Variants in CTNND2 observed in about 807,000 individuals in gnomAD.
CTNND2 encodes catenin delta-2.
CTNND2 carries 22 observed loss-of-function variants against 144.4 expected under a neutral mutation model. The observed-to-expected ratio is 0.15, with a 90% CI of 0.11 to 0.22. The LOEUF (loss-of-function observed/expected upper bound fraction) is 0.22. Among genes scored for constraint, CTNND2 ranks in the 10% least tolerant of loss-of-function variants. The pLI is 1.00. For synonymous variants in CTNND2, 751 were observed against 695.6 expected (o/e 1.08, Z -1.25); for missense variants, 1,353 against 1,618.8 (o/e 0.84, Z 2.82).
chr5:11,698,819 C>T (rs995478785), intron 2 of CTNND2, among the ~76,000 whole-genome samples: 3 of 151,820 alleles, frequency 2.0e-5, no homozygotes, highest in Non-Finnish European at 4.4e-5. Context: ...ATCCATTAAA[C>T]AGGTGATTTA....
intron 3 of CTNND2, among the ~76,000 whole-genome samples, chr5:11,435,286 C>G (rs1763665150): frequency 6.6e-6 from 1 of 151,912 alleles, no homozygotes; most frequent in African/African-American, 2.4e-5. Flanking sequence ...CTACAGGTGG[C>G]CGCCACCAAG....
chr5:11,352,074 G>C (rs2149749376), intron 8 of CTNND2, among the ~76,000 whole-genome samples: 1 of 152,196 alleles, frequency 6.6e-6, no homozygotes, highest in Non-Finnish European at 1.5e-5. Context: ...AAATTCAATG[G>C]AAAAATACTC....
intron 2 of CTNND2, among the ~76,000 whole-genome samples, chr5:11,617,205 G>A (rs897972952): frequency 4.6e-5 from 7 of 152,118 alleles, no homozygotes; most frequent in African/African-American, 1.7e-4. Context: ...TTACACAAAT[G>A]CTCCTATTTC....
At chr5:11,019,786 C>T (rs748654199) in intron 17 of CTNND2, among the ~76,000 whole-genome samples, 2 of 152,178 alleles carry the variant, frequency 1.3e-5, no homozygotes, top group African/African-American at 2.4e-5. Context: ...ACAGTTAAGA[C>T]TGTTAATAGC....
chr5:11,136,606 A>G (rs1242707755), intron 12 of CTNND2, among the ~76,000 whole-genome samples: 3 of 152,144 alleles, frequency 2.0e-5, no homozygotes, highest in Non-Finnish European at 2.9e-5. Context: ...TTTCCCACAC[A>G]CCTACATTCA....
chr5:11,292,157 C>G (rs191922054), intron 9 of CTNND2, among the ~76,000 whole-genome samples: 1 of 152,134 alleles, frequency 6.6e-6, no homozygotes, highest in Non-Finnish European at 1.5e-5. Context: ...ACAACAATAA[C>G]AAACCTTACA....
chr5:11,381,514 C>T (rs116159544), intron 7 of CTNND2, among the ~76,000 whole-genome samples: 3,035 of 152,318 alleles, frequency 0.02, 41 homozygotes, highest in Middle Eastern at 0.048. Context: ...CAGACACACC[C>T]CCATTTATAA....
intron 2 of CTNND2, among the ~76,000 whole-genome samples, chr5:11,649,692 T>C (rs1008865682): frequency 2.0e-5 from 3 of 152,322 alleles, no homozygotes; most frequent in African/African-American, 4.8e-5. Flanking sequence ...ACTGACACTG[T>C]TGAATACTGT....
chr5:11,646,063 TTC>T (rs1782330101), intron 2 of CTNND2, among the ~76,000 whole-genome samples: 1 of 152,182 alleles, frequency 6.6e-6, no homozygotes, highest in East Asian at 1.9e-4. Flanking sequence ...TTCTTTCCTT[TTC>T]TTTTTCTTTC....
intron 3 of CTNND2, among the ~76,000 whole-genome samples, chr5:11,416,691 T>G (rs1311821245): frequency 6.6e-6 from 1 of 152,214 alleles, no homozygotes; most frequent in East Asian, 1.9e-4. Context: ...AGGAATTACC[T>G]GTGGTAAATT....
chr5:11,892,633 T>C (rs2127100529), intron 1 of CTNND2, among the ~76,000 whole-genome samples: 1 of 151,698 alleles, frequency 6.6e-6, no homozygotes, highest in Non-Finnish European at 1.5e-5. Flanking sequence ...TGAGAGAAAC[T>C]GCCAAAAAAA....
intron 9 of CTNND2, among the ~76,000 whole-genome samples, chr5:11,288,162 G>A (rs1747943595): frequency 6.6e-6 from 1 of 152,126 alleles, no homozygotes; most frequent in Non-Finnish European, 1.5e-5. Flanking sequence ...AATATTTTAA[G>A]GTGAGGTGGC....
intron 10 of CTNND2, among the ~76,000 whole-genome samples, chr5:11,222,107 C>T (rs1180095968): frequency 2.0e-5 from 3 of 152,176 alleles, no homozygotes; most frequent in East Asian, 3.8e-4. Context: ...GACATTCACA[C>T]AGGTCATCTG....
At chr5:11,235,683 T>C (rs1741549917) in intron 10 of CTNND2, among the ~76,000 whole-genome samples, 1 of 152,078 alleles carries the variant, frequency 6.6e-6, no homozygotes, top group African/African-American at 2.4e-5. Flanking sequence ...TGGGACAAAA[T>C]CACACCTGGT....
chr5:11,497,920 A>G (rs1355319768), intron 3 of CTNND2, among the ~76,000 whole-genome samples: 2 of 152,088 alleles, frequency 1.3e-5, no homozygotes, highest in South Asian at 2.1e-4. Flanking sequence ...AGAGGATGTG[A>G]CATGAGGCAT....
chr5:11,205,970 C>T (rs937393504), intron 10 of CTNND2, among the ~76,000 whole-genome samples: 36 of 152,150 alleles, frequency 2.4e-4, no homozygotes, highest in Non-Finnish European at 4.4e-4. Flanking sequence ...AAAGTGTGAA[C>T]CTACCTCATA....
chr5:11,393,476 T>G (rs1195280385), intron 6 of CTNND2, among the ~76,000 whole-genome samples: 1 of 152,232 alleles, frequency 6.6e-6, no homozygotes, highest in African/African-American at 2.4e-5. Context: ...TATTTTTTAT[T>G]CGGACATGGG....
At chr5:11,182,061 GGTGTGTGTGGT>G (rs1735102973) in intron 11 of CTNND2, among the ~76,000 whole-genome samples, 1 of 127,290 alleles carries the variant, frequency 7.9e-6, no homozygotes, top group Admixed American at 7.8e-5. Context: ...GTGTGTGGGG[GGTGTGTGTGGT>G]GTGTGTGGTA....
At chr5:11,015,954 T>G (rs532883741) in intron 18 of CTNND2, among the ~76,000 whole-genome samples, 1 of 152,172 alleles carries the variant, frequency 6.6e-6, no homozygotes, top group Admixed American at 6.5e-5. Flanking sequence ...AGCCAAAACA[T>G]TGTAGATAAA....
Sources: allele counts gnomAD v4.1 joint callset (sites outside exome capture counted in the v4.1 genomes callset), GRCh38; gene constraint gnomAD v4.1.1; transcripts MANE v1.5; gene names NCBI Gene and HGNC (gene_info 2026-07-23, HGNC 2026-07-21).